The following C1orf232 variants were observed in gnomAD, a reference collection of about 807,000 sequenced individuals.
C1orf232 encodes chromosome 1 open reading frame 230.
A neutral mutation model predicts 12.1 loss-of-function variants in C1orf232; 10 were observed. That is an observed-to-expected ratio of 0.82 (90% CI 0.51 to 1.40). C1orf232 has a LOEUF of 1.40. Among genes scored for constraint, C1orf232 ranks in the 40% most tolerant of loss-of-function variants. C1orf232 has a pLI of 0.00. For synonymous variants in C1orf232, 36 were observed against 39.8 expected (o/e 0.90, Z 0.36); for missense variants, 88 against 98.4 (o/e 0.89, Z 0.45).
At chr1:26,166,600 A>G (rs1379952523) in intron 1 of C1orf232, among the ~76,000 whole-genome samples, 1 of 152,106 alleles carries the variant, frequency 6.6e-6, no homozygotes, top group Non-Finnish European at 1.5e-5. Flanking sequence ...TACAGGCGTG[A>G]GCCGCCAGTC....
chr1:26,165,598 C>T, intron 3 of C1orf232: 2 of 714,924 alleles, frequency 2.8e-6, no homozygotes, highest in Non-Finnish European at 3.9e-6. Flanking sequence ...CCATAAATAC[C>T]TTCTAGCACC....
In C1orf232 at chr1:26,164,903, C is replaced by G. The variant is rs1170503762; in HGVS notation, c.267-448G>C. Among the ~76,000 whole-genome samples the G allele has an allele frequency of 1.3e-5, 2 of 151,814 alleles. No individual in the cohort carries two copies. The highest frequency in any genetic ancestry group is 2.9e-5 in the Non-Finnish European group (2 of 67,998). ...CTGGGGAAAAGAGGCGGGGCACAGA[C>G]AGGAATCAGGTTCTGAGATTGAGGG... On this transcript the variant is annotated intron_variant, in intron 3 of 3. Transcript: ENST00000634842. The surrounding 1 kb of genome is among the most constrained non-coding windows in gnomAD (Gnocchi z 4.2).
chr1:26,166,804 A>G (rs1209780646), intron 1 of C1orf232, among the ~76,000 whole-genome samples: 2 of 152,342 alleles, frequency 1.3e-5, no homozygotes, highest in South Asian at 4.1e-4. Context: ...GGACACACAC[A>G]GTTATATCAT....
At chr1:26,168,316 GC>G (rs1160661335) in intron 1 of C1orf232, 99 bp downstream of exon 1, 18 of 821,820 alleles carry the variant, frequency 2.2e-5, no homozygotes, top group East Asian at 3.4e-5. Flanking sequence ...CACAAATGTG[GC>G]CCCCCCACCT....
Position 26,168,546 on chromosome 1 carries a change from G to T in C1orf232, c.-47C>A. The T allele has an allele frequency of 8.5e-7, 1 of 1,182,100 alleles. No individual in the cohort carries two copies. Among genetic ancestry groups the T allele is most frequent in the Non-Finnish European group, 1.1e-6 (1 of 942,648 alleles). The allele number at this position is 1,182,100 out of a possible 1,614,324, so 73.2% of individuals were successfully genotyped here. A position where few individuals can be genotyped will look rare whatever the true frequency, so the allele number is the denominator to read the frequency against. ...GGCACGCAAGCACAGGAAGGTGGTGGCTCAGTGGATACCAGTGAGTCTGGC... is the reference window on the plus strand; with the variant it reads ...GGCACGCAAGCACAGGAAGGTGGTGTCTCAGTGGATACCAGTGAGTCTGGC... On this transcript the variant is annotated 5_prime_UTR_variant, in exon 1 of 4. Transcript: ENST00000634842.
chr1:26,165,265 G>A (rs1463806232), intron 3 of C1orf232, among the ~76,000 whole-genome samples: 2 of 152,086 alleles, frequency 1.3e-5, no homozygotes, highest in Admixed American at 6.5e-5. Context: ...AGAGCCAGGA[G>A]GGAGACTGAG....
chr1:26,165,855 C>T lies in C1orf232; in HGVS notation c.237G>A (p.Lys79=). 4.1e-6 allele frequency: 5 copies of T among 1,231,788 alleles called. No individual in the cohort carries two copies. The highest frequency in any genetic ancestry group is 5.1e-6 in the Non-Finnish European group (5 of 987,976). The allele number at this position is 1,231,788 out of a possible 1,614,324, so 76.3% of individuals were successfully genotyped here. A position where few individuals can be genotyped will look rare whatever the true frequency, so the allele number is the denominator to read the frequency against. The change falls in exon 3 of 4, where the codon AAG becomes AAA. Residue 79 remains lysine (K), a synonymous_variant. Coordinates refer to ENST00000634842, the MANE Select transcript of C1orf232 (RefSeq NM_001364669.2). ...SSLFNKEDED[K]LLPSEPCADH... is the part of the protein sequence containing the mutation. The stretch of plus-strand genomic sequence containing the variant: ...CAGCGCAAGGCTCTGATGGCAGCAG[C>T]TTATCTTCATCTTCTTTGTTAAACA...
chr1:26,166,131 A>G lies in C1orf232; in HGVS notation c.85-13T>C, dbSNP rs2088423487. The G allele has an allele frequency of 4.1e-6, 5 of 1,230,796 alleles. No individual in the cohort carries two copies. Among genetic ancestry groups the G allele is most frequent in the Non-Finnish European group, 5.1e-6 (5 of 987,668 alleles). The allele number at this position is 1,230,796 out of a possible 1,614,324, so 76.2% of individuals were successfully genotyped here. A position where few individuals can be genotyped will look rare whatever the true frequency, so the allele number is the denominator to read the frequency against. On this transcript the variant is annotated splice_polypyrimidine_tract_variant and intron_variant, in intron 1 of 3. Transcript: ENST00000634842. ...CTGGGTTCTCCCTCTGGGACACAAGACCCCCACACAGCATGAGAGAGGCCG... is the reference window on the plus strand; with the variant it reads ...CTGGGTTCTCCCTCTGGGACACAAGGCCCCCACACAGCATGAGAGAGGCCG...
At position 26,164,587 on chromosome 1, in the gene C1orf232, C is replaced by T; in HGVS notation, c.267-132G>A. The T allele has an allele frequency of 2.9e-6, 1 of 347,832 alleles. No homozygotes were observed. Among genetic ancestry groups the T allele is most frequent in the Middle Eastern group, 7.6e-4 (1 of 1,312 alleles). The allele number at this position is 347,832 out of a possible 1,614,324, so 21.5% of individuals were successfully genotyped here. A position where few individuals can be genotyped will look rare whatever the true frequency, so the allele number is the denominator to read the frequency against. On this transcript the variant is annotated intron_variant, in intron 3 of 3. Transcript: ENST00000634842. The surrounding 1 kb of genome is among the most constrained non-coding windows in gnomAD (Gnocchi z 4.2). ...CAGGGGCAGTGGTGAGGAGCGGGGT[C>T]AGGTGACCAGTGGGGGACCGGGACG...
chr1:26,164,442 G>A lies in C1orf232; in HGVS notation c.280C>T (p.Arg94Ter), dbSNP rs2088402751. Residue 94 changes from arginine (R) to a stop codon, truncating the protein, a stop_gained, in exon 4 of 4, where the codon CGA (arginine) becomes TGA (stop). Transcript: ENST00000634842. LOFTEE classifies it high-confidence loss of function. The surrounding 1 kb of genome is among the most constrained non-coding windows in gnomAD (Gnocchi z 4.2). ...EPCADHPLAA[R>*]PPSQAAAAAE... is the part of the protein sequence containing the mutation. ...GCCGCCGCCGCCTGCGAGGGGGGTC[G>A]CGCCGCCAGAGGGCTGCGGGAGAGG... The A allele has an allele frequency of 2.6e-6, 1 of 378,588 alleles. No homozygotes were observed. Among genetic ancestry groups the A allele is most frequent in the East Asian group, 3.9e-5 (1 of 25,874 alleles). The allele number at this position is 378,588 out of a possible 1,614,324, so 23.5% of individuals were successfully genotyped here.
intron 3 of C1orf232, 47 bp downstream of exon 3, chr1:26,165,779 G>A: frequency 2.4e-6 from 3 of 1,231,816 alleles, no homozygotes; most frequent in Non-Finnish European, 3.0e-6. Context: ...GGCAGAAGGG[G>A]GACCTCAGGC....
At position 26,168,550 on chromosome 1, in the gene C1orf232, A is replaced by C; in HGVS notation, c.-51T>G. ...CGCAAGCACAGGAAGGTGGTGGCTC[A>C]GTGGATACCAGTGAGTCTGGCTCTA... is the stretch of plus-strand genomic sequence containing the variant. On this transcript the variant is annotated 5_prime_UTR_variant, in exon 1 of 4. Coordinates refer to ENST00000634842, the MANE Select transcript of C1orf232 (RefSeq NM_001364669.2). 24 of 1,153,418 alleles carry C rather than the reference A, an allele frequency of 2.1e-5. No homozygotes were observed. The highest frequency in any genetic ancestry group is 3.2e-5 in the African/African-American group (2 of 62,972). 71.4% of individuals were successfully genotyped at this position (1,153,418 alleles called of 1,614,324 possible).
chr1:26,167,698 T>G (rs1379750132), intron 1 of C1orf232, among the ~76,000 whole-genome samples: 1 of 152,148 alleles, frequency 6.6e-6, no homozygotes, highest in Middle Eastern at 3.2e-3. Flanking sequence ...CTCAGCTCAT[T>G]GCAACCTCTG....
At position 26,168,427 on chromosome 1, in the gene C1orf232, G is replaced by A; in HGVS notation, c.73C>T (p.Leu25=). ...QTLSGESEED[L]AEERENPALV... ...TGGATGGCACCCACCTCCTCTGCCA[G>A]GTCTTCTTCAGATTCCCCACTCAGG... Residue 25 remains leucine (L), a synonymous_variant, in exon 1 of 4, where the codon CTG becomes TTG. Coordinates refer to ENST00000634842, the MANE Select transcript of C1orf232 (RefSeq NM_001364669.2). The A allele has an allele frequency of 8.1e-7, 1 of 1,231,912 alleles. No homozygotes were observed. The highest frequency in any genetic ancestry group is 1.0e-6 in the Non-Finnish European group (1 of 988,088). 76.3% of individuals were successfully genotyped at this position (1,231,912 alleles called of 1,614,324 possible). A position where few individuals can be genotyped will look rare whatever the true frequency, so the allele number is the denominator to read the frequency against.
At chr1:26,166,190 C>CCTGGTCTGTGTGTA in intron 1 of C1orf232, 72 bp from the exon 2 acceptor site, 1 of 1,127,708 alleles carries the variant, frequency 8.9e-7, no homozygotes, top group Non-Finnish European at 1.1e-6. Context: ...CCACTGCTAG[C>CCTGGTCTGTGTGTA]CTAGTACACA....
intron 1 of C1orf232, among the ~76,000 whole-genome samples, chr1:26,167,198 C>T (rs1455907822): frequency 3.3e-5 from 5 of 152,172 alleles, no homozygotes; most frequent in South Asian, 2.1e-4. Context: ...TAAGACTGTC[C>T]CTGGTTTCAG....
chr1:26,165,451 C>T (rs573387685), intron 3 of C1orf232, among the ~76,000 whole-genome samples: 4 of 152,270 alleles, frequency 2.6e-5, no homozygotes, highest in South Asian at 2.1e-4. Context: ...GTTTGTGACA[C>T]GCTTCCTTGG....
chr1:26,168,328 C>T, intron 1 of C1orf232, 88 bp downstream of exon 1: 1 of 998,914 alleles, frequency 1.0e-6, no homozygotes, highest in Non-Finnish European at 1.3e-6. Context: ...CCCCCCACCT[C>T]CAAGCCTATC....
rs1273419464 is a variant in C1orf232 at position 26,165,901 on chromosome 1, C to A, written c.191G>T (p.Gly64Val). The A allele has an allele frequency of 8.1e-7, 1 of 1,231,752 alleles. No individual in the cohort carries two copies. Among genetic ancestry groups the A allele is most frequent in the East Asian group, 3.2e-5 (1 of 31,700 alleles). The allele number at this position is 1,231,752 out of a possible 1,614,324, so 76.3% of individuals were successfully genotyped here. Reference protein sequence around the residue: ...ARRVQGVGVKGWLTMSSLFNK... With the variant: ...ARRVQGVGVKVWLTMSSLFNK... ...AAACAGAGATGACATTGTCAGCCAG[C>A]CTTTCACCCCGACCCCCTGAACCTG... Residue 64 changes from glycine (G) to valine (V), a missense_variant, in exon 3 of 4, where the codon GGC becomes GTC. Gly to Val is a moderately radical substitution (Grantham distance 109, BLOSUM62 -3). Coordinates refer to ENST00000634842, the MANE Select transcript of C1orf232 (RefSeq NM_001364669.2).
Sources: allele counts gnomAD v4.1 joint callset (sites outside exome capture counted in the v4.1 genomes callset), GRCh38; gene constraint gnomAD v4.1.1; non-coding constraint Gnocchi (gnomAD v3.1); transcripts MANE v1.5; gene names NCBI Gene and HGNC (gene_info 2026-07-23, HGNC 2026-07-21).